The following WDR86 variants were observed in gnomAD, a reference collection of about 807,000 sequenced individuals.
WDR86 encodes WD repeat-containing protein 86.
A neutral mutation model predicts 36.5 loss-of-function variants in WDR86; 30 were observed. That is an observed-to-expected ratio of 0.82 (90% CI 0.61 to 1.11). The LOEUF is 1.11. Among genes scored for constraint, WDR86 ranks in the 50% most tolerant of loss-of-function variants. The probability of loss-of-function intolerance (pLI) is 0.00; values close to 1 mark genes in which losing one functional copy is unlikely to be tolerated. For missense variants in WDR86, 545 were observed against 561.2 expected (o/e 0.97, Z 0.29); for synonymous variants, 255 against 252.9 (o/e 1.01, Z -0.08).
intron 4 of WDR86, among the ~76,000 whole-genome samples, chr7:151,382,311 G>A (rs1484111111): frequency 3.3e-5 from 5 of 152,188 alleles, no homozygotes; most frequent in Admixed American, 3.3e-4. Context: ...AGGTCCTCGA[G>A]TCGCTTCCCC....
chr7:151,388,670 G>T lies in WDR86; in HGVS notation c.727-3447C>A, dbSNP rs141499389. On this transcript the variant is annotated intron_variant, in intron 3 of 5. Coordinates refer to ENST00000334493, the MANE Select transcript of WDR86 (RefSeq NM_198285.3). The surrounding 1 kb of genome is among the most constrained non-coding windows in gnomAD (Gnocchi z 4.2). The stretch of plus-strand genomic sequence containing the variant: ...GGCGAGGGAGGCAGAGGCCCCTCTG[G>T]GCACGGTGGTTTCTCAGGACCTCAC... Among the ~76,000 whole-genome samples, 170 of 152,332 alleles carry T rather than the reference G, an allele frequency of 1.1e-3. No individual in the cohort carries two copies. The highest frequency in any genetic ancestry group is 3.9e-3 in the African/African-American group (163 of 41,570).
At chr7:151,410,226 T>TCCGCCG (rs920316883), upstream of WDR86, among the ~76,000 whole-genome samples, 1 of 152,008 alleles carries the variant, frequency 6.6e-6, no homozygotes, top group South Asian at 2.1e-4. Flanking sequence ...CTCTGCCACC[T>TCCGCCG]CCGCCGCCGC....
intron 3 of WDR86, 88 bp downstream of exon 3, chr7:151,395,688 C>A: frequency 2.1e-6 from 3 of 1,420,604 alleles, no homozygotes; most frequent in Non-Finnish European, 2.8e-6. Context: ...TGTTATGCAG[C>A]CGAATCACAG....
At position 151,409,664 on chromosome 7, in the gene WDR86, T is replaced by C; in HGVS notation, c.-75A>G. On this transcript the variant is annotated 5_prime_UTR_variant, in exon 1 of 6. Coordinates refer to ENST00000334493, the MANE Select transcript of WDR86 (RefSeq NM_198285.3). The surrounding 1 kb of genome is among the most constrained non-coding windows in gnomAD (Gnocchi z 5.2). ...GGCGCCCCGGGGTCCGCGCGGCGGC[T>C]CCGTACGACTGCGGCCCGCGGCCAT... The C allele has an allele frequency of 7.7e-7, 1 of 1,306,090 alleles. No homozygotes were observed. Among genetic ancestry groups the C allele is most frequent in the Non-Finnish European group, 9.7e-7 (1 of 1,031,016 alleles). The allele number at this position is 1,306,090 out of a possible 1,614,324, so 80.9% of individuals were successfully genotyped here.
chr7:151,408,403 G>A (rs571901386), intron 1 of WDR86, among the ~76,000 whole-genome samples: 2 of 152,008 alleles, frequency 1.3e-5, no homozygotes, highest in East Asian at 1.9e-4. Context: ...TCATCATGTT[G>A]GCCAGGCTGG....
Position 151,381,684 on chromosome 7 carries a change from G to A in WDR86, c.1029C>T (p.Arg343=), listed in dbSNP as rs1584990090. Reference sequence around the variant, plus strand: ...GGGGCCGCGGGGCACCTCGGAGCCCGCGCACGTCCCAGAGGCGCAGGGCGC... The same window carrying A: ...GGGGCCGCGGGGCACCTCGGAGCCCACGCACGTCCCAGAGGCGCAGGGCGC... ...HDGALRLWDV[R]GLRGAPRPPP... Residue 343 remains arginine (R), a synonymous_variant, in exon 6 of 6, where the codon CGC becomes CGT. Coordinates refer to ENST00000334493, the MANE Select transcript of WDR86 (RefSeq NM_198285.3). The surrounding 1 kb of genome is among the most constrained non-coding windows in gnomAD (Gnocchi z 4.8). 4.2e-6 allele frequency: 6 copies of A among 1,433,798 alleles called. No homozygotes were observed. The highest frequency in any genetic ancestry group is 5.8e-5 in the East Asian group (2 of 34,264). The allele number at this position is 1,433,798 out of a possible 1,614,324, so 88.8% of individuals were successfully genotyped here.
downstream of WDR86, chr7:151,377,301 T>TTA: frequency 9.5e-7 from 1 of 1,056,376 alleles, no homozygotes; most frequent in Admixed American, 3.1e-5. Context: ...GCTCTTTCTG[T>TTA]TCTTACTTTT....
chr7:151,375,818 A>G, downstream of WDR86: 3 of 1,440,292 alleles, frequency 2.1e-6, no homozygotes, highest in Non-Finnish European at 2.0e-6. Context: ...GTTCTTAGTG[A>G]TGGGTAAAGG....
Position 151,409,375 on chromosome 7 carries a change from TG to T in WDR86, c.163+51del. 1 of 1,546,708 alleles carries T rather than the reference TG, an allele frequency of 6.5e-7. No homozygotes were observed. The highest frequency in any genetic ancestry group is 8.7e-7 in the Non-Finnish European group (1 of 1,145,462). ...GGCGCAGGAGCTGGGGTCCGCGGTC[TG>T]GGGCCGGTGAGCTGCGGCGAAGAGG... On this transcript the variant is annotated intron_variant, in intron 1 of 5. Coordinates refer to ENST00000334493, the MANE Select transcript of WDR86 (RefSeq NM_198285.3). The surrounding 1 kb of genome is among the most constrained non-coding windows in gnomAD (Gnocchi z 5.2).
intron 2 of WDR86, among the ~76,000 whole-genome samples, chr7:151,399,467 GC>G (rs1232313184): frequency 2.0e-5 from 3 of 152,208 alleles, no homozygotes; most frequent in Admixed American, 2.0e-4. Flanking sequence ...CAGTGCAGCT[GC>G]CAGGCCCAGG....
chr7:151,374,967 G>A (rs1456886344), downstream of WDR86, among the ~76,000 whole-genome samples: 5 of 151,786 alleles, frequency 3.3e-5, no homozygotes, highest in African/African-American at 7.3e-5. Flanking sequence ...GCAGCGCGGC[G>A]GGCAGGAAGC....
Position 151,401,997 on chromosome 7 carries a change from GA to G in WDR86, c.164-1757del, listed in dbSNP as rs1800334581. Among the ~76,000 whole-genome samples the G allele has an allele frequency of 7.4e-6, 1 of 134,788 alleles. No homozygotes were observed. Among genetic ancestry groups the G allele is most frequent in the Admixed American group, 8.1e-5 (1 of 12,284 alleles). The allele number at this position is 134,788 out of a possible 152,430, so 88.4% of individuals were successfully genotyped here. A position where few individuals can be genotyped will look rare whatever the true frequency, so the allele number is the denominator to read the frequency against. The stretch of plus-strand genomic sequence containing the variant: ...CGGAAGGCGGAGGCTGCAGTGAGCT[GA>G]GGTTGCACCACTGCACTCCAGCCTG... On this transcript the variant is annotated intron_variant, in intron 1 of 5. Coordinates refer to ENST00000334493, the MANE Select transcript of WDR86 (RefSeq NM_198285.3). The surrounding 1 kb of genome is among the most constrained non-coding windows in gnomAD (Gnocchi z 4.3).
At position 151,409,586 on chromosome 7, in the gene WDR86, C is replaced by G; in HGVS notation, c.4G>C (p.Gly2Arg). Reference sequence around the variant, plus strand: ...ACCCTCAGGGCCGACCCGCCGCCCCCCATCCCGCTGGCAGGGCGGGGAACA... The same window carrying G: ...ACCCTCAGGGCCGACCCGCCGCCCCGCATCCCGCTGGCAGGGCGGGGAACA... MGGGGSALRVCA... is the reference protein window; with the variant it reads MRGGGSALRVCA... Residue 2 changes from glycine to arginine, a missense_variant, in exon 1 of 6, where the codon GGG becomes CGG. Gly to Arg is a moderately radical substitution (Grantham distance 125). Transcript: ENST00000334493. The surrounding 1 kb of genome is among the most constrained non-coding windows in gnomAD (Gnocchi z 5.2). The G allele has an allele frequency of 7.2e-7, 1 of 1,387,134 alleles. No homozygotes were observed. 85.9% of individuals were successfully genotyped at this position (1,387,134 alleles called of 1,614,324 possible). A position where few individuals can be genotyped will look rare whatever the true frequency, so the allele number is the denominator to read the frequency against.
At chr7:151,382,037 G>A in intron 4 of WDR86, 56 bp from the exon 5 acceptor site, 3 of 1,498,648 alleles carry the variant, frequency 2.0e-6, no homozygotes, top group Non-Finnish European at 2.7e-6. Flanking sequence ...CCCGCAAGCA[G>A]GGATGGGGCG....
At chr7:151,395,092 G>A (rs1205629451) in intron 3 of WDR86, among the ~76,000 whole-genome samples, 2 of 152,190 alleles carry the variant, frequency 1.3e-5, no homozygotes, top group Admixed American at 6.5e-5. Flanking sequence ...CGTCCCACAC[G>A]GCCACACCAT....
chr7:151,376,931 C>T (rs967255870), downstream of WDR86: 24 of 1,404,776 alleles, frequency 1.7e-5, no homozygotes, highest in Middle Eastern at 3.7e-4. Flanking sequence ...GTCACCGGGC[C>T]GGCCACCTGG....
rs370990191 is a variant in WDR86, at chr7:151,388,612, C to T, written c.727-3389G>A. ...ACCTGGCTTCTGGGACCCCTGAGATCGGTGGCTCAGCCCTGCATGCAGTCC... is the reference window on the plus strand; with the variant it reads ...ACCTGGCTTCTGGGACCCCTGAGATTGGTGGCTCAGCCCTGCATGCAGTCC... On this transcript the variant is annotated intron_variant, in intron 3 of 5. Transcript: ENST00000334493. The surrounding 1 kb of genome is among the most constrained non-coding windows in gnomAD (Gnocchi z 4.2). Among the ~76,000 whole-genome samples the T allele has an allele frequency of 2.6e-5, 4 of 152,214 alleles. No individual in the cohort carries two copies. The highest frequency in any genetic ancestry group is 5.9e-5 in the Non-Finnish European group (4 of 68,038).
chr7:151,376,079 C>G, exon 2 of WDR86: 2 of 676,870 alleles, frequency 3.0e-6, no homozygotes, highest in Non-Finnish European at 5.4e-6. Context: ...GTGTAACCTG[C>G]CCACCTCAGA....
At position 151,382,136 on chromosome 7, in the gene WDR86, G is replaced by A. The variant is rs139251193; in HGVS notation, c.863-155C>T. Among the ~76,000 whole-genome samples the A allele has an allele frequency of 3.9e-3, 587 of 152,142 alleles. 6 individuals carry two copies. The highest frequency in any genetic ancestry group is 0.013 in the African/African-American group (554 of 41,464). ...GGGAAGTGGACAGTGCCCCTCCAGA[G>A]AAACGGGTCCCCACGGTTATTCTGC... On this transcript the variant is annotated intron_variant, in intron 4 of 5. Coordinates refer to ENST00000334493, the MANE Select transcript of WDR86 (RefSeq NM_198285.3).
Sources: allele counts gnomAD v4.1 joint callset (sites outside exome capture counted in the v4.1 genomes callset), GRCh38; gene constraint gnomAD v4.1.1; non-coding constraint Gnocchi (gnomAD v3.1); transcripts MANE v1.5; gene names NCBI Gene and HGNC (gene_info 2026-07-23, HGNC 2026-07-21).